HIVEP1: variants seen among roughly 807,000 people sequenced by gnomAD.
HIVEP1 encodes zinc finger protein 40.
In HIVEP1, 36 loss-of-function variants were observed where a neutral mutation model predicts 180.0. The ratio of observed to expected loss-of-function variants is 0.20; its 90% confidence interval spans 0.15 to 0.26. HIVEP1 has a LOEUF of 0.26. Among genes scored for constraint, HIVEP1 ranks in the 10% least tolerant of loss-of-function variants. The pLI is 1.00. For synonymous variants in HIVEP1, 1,239 were observed against 1,239.0 expected, an observed-to-expected ratio of 1.00 and a Z score of 0.00; for missense variants, 3,143 against 3,268.7, an observed-to-expected ratio of 0.96 and a Z score of 0.94.
intron 7 of HIVEP1, among the ~76,000 whole-genome samples, chr6:12,155,436 T>G: frequency 7.1e-6 from 1 of 140,888 alleles, no homozygotes. Flanking sequence ...CAGGCCCCAG[T>G]GAGTATTGTT....
chr6:12,028,509 T>C (rs192071610), intron 2 of HIVEP1, among the ~76,000 whole-genome samples: 1 of 152,370 alleles, frequency 6.6e-6, no homozygotes, highest in African/African-American at 2.4e-5. Context: ...GGTTGATCTA[T>C]CATGTTTTGA....
chr6:12,140,512 G>C (rs1264522995), intron 7 of HIVEP1, among the ~76,000 whole-genome samples: 1 of 152,228 alleles, frequency 6.6e-6, no homozygotes, highest in Non-Finnish European at 1.5e-5. Context: ...GCTGGATGGA[G>C]AATGACTTTG....
At position 12,123,281 on chromosome 6, in the gene HIVEP1, C is replaced by A. The variant is rs1311326340; in HGVS notation, c.3486C>A (p.Phe1162Leu). 2 of 1,614,166 alleles carry A rather than the reference C, an allele frequency of 1.2e-6. No homozygotes were observed. The highest frequency in any genetic ancestry group is 1.7e-5 in the Admixed American group (1 of 60,018). Residue 1162 changes from phenylalanine to leucine, a missense_variant, in exon 4 of 9, where the codon TTC becomes TTA. Coordinates refer to ENST00000379388, the MANE Select transcript of HIVEP1 (RefSeq NM_002114.4). ...EPFERASPVSFQELNRTGKSG... is the reference protein window; with the variant it reads ...EPFERASPVSLQELNRTGKSG... ...TTGAAAGAGCCTCCCCAGTTTCTTT[C>A]CAGGAGCTGAATAGAACGGGGAAGT...
chr6:12,147,630 A>G (rs867570339), intron 7 of HIVEP1, among the ~76,000 whole-genome samples: 5 of 152,320 alleles, frequency 3.3e-5, no homozygotes, highest in Middle Eastern at 3.4e-3. Context: ...CCCATTCAGC[A>G]ACAATAATAC....
intron 2 of HIVEP1, among the ~76,000 whole-genome samples, chr6:12,073,725 T>C (rs1381803836): frequency 6.6e-6 from 1 of 152,206 alleles, no homozygotes; most frequent in East Asian, 1.9e-4. Flanking sequence ...ATATAGGCTA[T>C]TCTGCCATTA....
the HIVEP1 span, among the ~76,000 whole-genome samples, chr6:12,189,524 A>G: frequency 1.3e-5 from 2 of 152,154 alleles, no homozygotes; most frequent in African/African-American, 2.4e-5. Context: ...GGCATCTTTG[A>G]AAAATGTTCT....
At chr6:12,062,027 G>A (rs1299737107) in intron 2 of HIVEP1, among the ~76,000 whole-genome samples, 1 of 152,148 alleles carries the variant, frequency 6.6e-6, no homozygotes, top group African/African-American at 2.4e-5. Context: ...CAGTTTGTTA[G>A]TCATTGACTG....
intron 2 of HIVEP1, among the ~76,000 whole-genome samples, chr6:12,087,551 G>A (rs1773188475): frequency 6.6e-6 from 1 of 152,032 alleles, no homozygotes; most frequent in Non-Finnish European, 1.5e-5. Context: ...AGTACTATAT[G>A]TTATGTGATT....
At chr6:12,197,021 T>C in the HIVEP1 span, among the ~76,000 whole-genome samples, 1 of 152,194 alleles carries the variant, frequency 6.6e-6, no homozygotes, top group Non-Finnish European at 1.5e-5. Context: ...AGTAAGTAAA[T>C]CAACTTCAAT....
chr6:12,020,750 A>G (rs1310734074), intron 2 of HIVEP1, among the ~76,000 whole-genome samples: 2 of 152,182 alleles, frequency 1.3e-5, no homozygotes, highest in Non-Finnish European at 2.9e-5. Context: ...AATACTAAGT[A>G]TTAACCTTTT....
the HIVEP1 span, among the ~76,000 whole-genome samples, chr6:12,181,156 C>G: frequency 6.6e-6 from 1 of 151,910 alleles, no homozygotes; most frequent in African/African-American, 2.4e-5. Flanking sequence ...GTTAGGAGAT[C>G]GAGACCATCC....
chr6:12,066,465 G>T (rs1228851201), intron 2 of HIVEP1, among the ~76,000 whole-genome samples: 2 of 152,146 alleles, frequency 1.3e-5, no homozygotes, highest in African/African-American at 2.4e-5. Context: ...GCTGATAAAT[G>T]ATCAGAAAGC....
the HIVEP1 span, among the ~76,000 whole-genome samples, chr6:12,210,893 A>AT: frequency 8.6e-5 from 13 of 151,372 alleles, no homozygotes; most frequent in African/African-American, 3.2e-4. Flanking sequence ...AAAAAAAATC[A>AT]TTTTTTTTTT....
the HIVEP1 span, among the ~76,000 whole-genome samples, chr6:12,205,340 AGG>A: frequency 6.6e-6 from 1 of 152,088 alleles, no homozygotes; most frequent in Non-Finnish European, 1.5e-5. Context: ...GCTTGGTGGC[AGG>A]CGCCTGTAGT....
At chr6:12,049,627 C>T (rs912148253) in intron 2 of HIVEP1, among the ~76,000 whole-genome samples, 1 of 152,158 alleles carries the variant, frequency 6.6e-6, no homozygotes, top group African/African-American at 2.4e-5. Flanking sequence ...ATTTTTCTGT[C>T]TGCTTGCTCA....
chr6:12,098,022 G>A (rs954085107), intron 3 of HIVEP1, among the ~76,000 whole-genome samples: 4 of 152,076 alleles, frequency 2.6e-5, no homozygotes, highest in Admixed American at 2.6e-4. Context: ...TCACATTCTT[G>A]TGCATACTTA....
At chr6:12,061,255 GAA>G (rs1364002498) in intron 2 of HIVEP1, among the ~76,000 whole-genome samples, 1 of 152,206 alleles carries the variant, frequency 6.6e-6, no homozygotes, top group African/African-American at 2.4e-5. Flanking sequence ...GTGATTTGAT[GAA>G]AAGAGTTTAA....
the HIVEP1 span, among the ~76,000 whole-genome samples, chr6:12,188,501 T>C: frequency 6.6e-6 from 1 of 152,174 alleles, no homozygotes; most frequent in Admixed American, 6.5e-5. Flanking sequence ...GTAGATTCTG[T>C]GATTGTACAC....
the HIVEP1 span, among the ~76,000 whole-genome samples, chr6:12,180,632 G>A: frequency 1.2e-4 from 19 of 152,240 alleles, no homozygotes; most frequent in Non-Finnish European, 1.9e-4. Context: ...TAAACACCAC[G>A]TCATTTTCTT....
Sources: allele counts gnomAD v4.1 joint callset (sites outside exome capture counted in the v4.1 genomes callset), GRCh38; gene constraint gnomAD v4.1.1; transcripts MANE v1.5; gene names NCBI Gene and HGNC (gene_info 2026-07-23, HGNC 2026-07-21).